Variants in LCORL observed in about 807,000 individuals in gnomAD.
The protein encoded by LCORL is ligand-dependent nuclear receptor corepressor-like protein.
A neutral mutation model predicts 141.8 loss-of-function variants in LCORL; 41 were observed. The observed-to-expected ratio is 0.29, with a 90% CI of 0.23 to 0.38. The LOEUF (loss-of-function observed/expected upper bound fraction) is 0.38, where lower values mean the gene tolerates loss of function less well. Among genes scored for constraint, LCORL ranks in the 10% least tolerant of loss-of-function variants. LCORL has a pLI of 1.00. For missense variants in LCORL, 1,759 were observed against 2,035.0 expected, an observed-to-expected ratio of 0.86 and a Z score of 2.61; for synonymous variants, 618 against 694.1, an observed-to-expected ratio of 0.89 and a Z score of 1.72.
At chr4:17,900,915 G>A (rs908999159) in intron 5 of LCORL, among the ~76,000 whole-genome samples, 2 of 152,104 alleles carry the variant, frequency 1.3e-5, no homozygotes, top group Non-Finnish European at 2.9e-5. Context: ...TTAGTTTTAG[G>A]AAACATATAA....
chr4:17,935,568 A>G (rs1181291180), intron 4 of LCORL, among the ~76,000 whole-genome samples: 1 of 152,134 alleles, frequency 6.6e-6, no homozygotes, highest in Non-Finnish European at 1.5e-5. Context: ...TGTTTTAAAC[A>G]GCCTTGCAGC....
At chr4:17,909,333 T>G (rs1275500488) in exon 5 of LCORL, 1 of 1,597,568 alleles carries the variant, frequency 6.3e-7, no homozygotes, top group Non-Finnish European at 8.5e-7. Flanking sequence ...AGGATCACAG[T>G]TCTGAGGAAG....
rs138813210 is a variant in LCORL, at chr4:18,007,507, C to T, written c.154+14091G>A. On this transcript the variant is annotated intron_variant, in intron 1 of 7. Transcript: ENST00000635767. ...AATACTGTATATGCTTCTATTATCGCATTTATCGTATTCTGTAGTCAGAGA... is the reference window on the plus strand; with the variant it reads ...AATACTGTATATGCTTCTATTATCGTATTTATCGTATTCTGTAGTCAGAGA... Among the ~76,000 whole-genome samples, 413 of 152,230 alleles carry T rather than the reference C, an allele frequency of 2.7e-3. 1 individual carries two copies. The highest frequency in any genetic ancestry group is 4.1e-3 in the Non-Finnish European group (280 of 68,018).
At chr4:17,999,347 G>T (rs1369666909) in intron 1 of LCORL, among the ~76,000 whole-genome samples, 1 of 151,716 alleles carries the variant, frequency 6.6e-6, no homozygotes, top group Non-Finnish European at 1.5e-5. Flanking sequence ...CCAGCTACTC[G>T]GGAGGCTGAG....
At chr4:17,944,737 G>T (rs1356108065) in intron 4 of LCORL, among the ~76,000 whole-genome samples, 7 of 152,116 alleles carry the variant, frequency 4.6e-5, no homozygotes, top group Non-Finnish European at 7.4e-5. Flanking sequence ...CACTTCAGCG[G>T]ACATCTTAGA....
exon 6 of LCORL, chr4:17,886,123 T>A: frequency 6.2e-7 from 1 of 1,606,950 alleles, no homozygotes; most frequent in Non-Finnish European, 8.5e-7. Context: ...TCAGATTTTA[T>A]GCTGGTTTTC....
intron 1 of LCORL, among the ~76,000 whole-genome samples, chr4:18,020,107 T>C (rs1379785919): frequency 6.6e-6 from 1 of 152,206 alleles, no homozygotes; most frequent in Non-Finnish European, 1.5e-5. Flanking sequence ...AAATGCCCCC[T>C]AAAGTAACCT....
At chr4:17,897,909 T>C (rs1489480047) in intron 5 of LCORL, among the ~76,000 whole-genome samples, 1 of 152,200 alleles carries the variant, frequency 6.6e-6, no homozygotes, top group Non-Finnish European at 1.5e-5. Context: ...ACTCCAGGTT[T>C]AGGTTCAATG....
At chr4:17,848,814 G>T (rs1190957442) in intron 7 of LCORL, among the ~76,000 whole-genome samples, 1 of 152,234 alleles carries the variant, frequency 6.6e-6, no homozygotes, top group Non-Finnish European at 1.5e-5. Context: ...GGAAAATCAG[G>T]TCACTCCCAC....
chr4:17,882,999 G>GTTC, intron 6 of LCORL: 3 of 960,476 alleles, frequency 3.1e-6, no homozygotes, highest in Non-Finnish European at 3.7e-6. Context: ...ATATTAAAGG[G>GTTC]TTCTATAGCT....
intron 4 of LCORL, among the ~76,000 whole-genome samples, chr4:17,950,786 C>T (rs546499787): frequency 1.3e-5 from 2 of 151,540 alleles, no homozygotes; most frequent in East Asian, 3.9e-4. Flanking sequence ...AAATACTTGA[C>T]ACCGAATCTT....
At chr4:18,007,122 G>A (rs1047520761) in intron 1 of LCORL, among the ~76,000 whole-genome samples, 1 of 152,078 alleles carries the variant, frequency 6.6e-6, no homozygotes, top group Non-Finnish European at 1.5e-5. Flanking sequence ...CTCCATACTA[G>A]CAGAGTAATC....
At chr4:17,958,844 A>T (rs1443782588) in intron 4 of LCORL, among the ~76,000 whole-genome samples, 1 of 151,998 alleles carries the variant, frequency 6.6e-6, no homozygotes, top group Non-Finnish European at 1.5e-5. Context: ...GCAATAAACA[A>T]AACAAAGTCC....
chr4:17,963,952 G>A (rs116570344), intron 2 of LCORL, among the ~76,000 whole-genome samples: 3,263 of 152,094 alleles, frequency 0.021, 50 homozygotes, highest in Middle Eastern at 0.034. Context: ...TGAAATACAT[G>A]ATGAAGTTGA....
chr4:17,941,787 G>C (rs1488500536), intron 4 of LCORL, among the ~76,000 whole-genome samples: 3 of 151,950 alleles, frequency 2.0e-5, no homozygotes, highest in African/African-American at 7.3e-5. Flanking sequence ...CTGCACAATA[G>C]TCTGAGTTGT....
At chr4:17,976,290 C>T (rs546062423) in intron 1 of LCORL, among the ~76,000 whole-genome samples, 8 of 152,244 alleles carry the variant, frequency 5.3e-5, no homozygotes, top group Admixed American at 2.6e-4. Context: ...TTTATATCTA[C>T]CATCTAATTT....
At chr4:17,918,331 TA>T in intron 4 of LCORL, among the ~76,000 whole-genome samples, 1 of 152,140 alleles carries the variant, frequency 6.6e-6, no homozygotes, top group East Asian at 1.9e-4. Flanking sequence ...CATAAAAACG[TA>T]CCACACATGG....
exon 8 of LCORL, chr4:17,845,566 AC>A (rs1375624518): frequency 4.4e-5 from 20 of 456,498 alleles, no homozygotes; most frequent in South Asian, 7.3e-5. Context: ...TGTAAAAAAA[AC>A]ATATAAAGAA....
chr4:17,876,843 T>C, exon 7 of LCORL: 1 of 1,230,730 alleles, frequency 8.1e-7, no homozygotes, highest in Non-Finnish European at 1.0e-6. Flanking sequence ...TTCTGAAAAT[T>C]CATTAAAAGA....
Sources: allele counts gnomAD v4.1 joint callset (sites outside exome capture counted in the v4.1 genomes callset), GRCh38; gene constraint gnomAD v4.1.1; transcripts MANE v1.5; gene names NCBI Gene and HGNC (gene_info 2026-07-23, HGNC 2026-07-21).